Variants in THSD7B observed in about 807,000 individuals in gnomAD.
The protein encoded by THSD7B is thrombospondin type 1 domain containing 7B.
In THSD7B, 138 loss-of-function variants were observed where a neutral mutation model predicts 213.6. The observed-to-expected ratio is 0.65, with a 90% CI of 0.56 to 0.74. THSD7B has a LOEUF of 0.74. THSD7B is among the 30% of genes least tolerant of loss of function. THSD7B has a pLI of 0.00. For synonymous variants in THSD7B, 742 were observed against 687.0 expected (o/e 1.08, Z -1.25); for missense variants, 1,931 against 1,991.5 (o/e 0.97, Z 0.58).
intron 3 of THSD7B, among the ~76,000 whole-genome samples, chr2:137,085,798 C>A (rs762496397): frequency 1.6e-4 from 24 of 151,912 alleles, no homozygotes; most frequent in Non-Finnish European, 2.9e-4. Flanking sequence ...AGGAAAAAAT[C>A]TCAAGTGTGG....
chr2:137,560,993 CA>C (rs1280555767), intron 15 of THSD7B, among the ~76,000 whole-genome samples: 1 of 152,120 alleles, frequency 6.6e-6, no homozygotes. Flanking sequence ...CTAGAATGAA[CA>C]GCATGAACAA....
chr2:137,441,237 A>T (rs1470048179), intron 14 of THSD7B, among the ~76,000 whole-genome samples: 1 of 152,096 alleles, frequency 6.6e-6, no homozygotes, highest in Non-Finnish European at 1.5e-5. Context: ...CTCTGATCTC[A>T]TGCTGTCTCT....
intron 2 of THSD7B, among the ~76,000 whole-genome samples, chr2:137,047,332 A>T (rs187223583): frequency 6.6e-6 from 1 of 152,218 alleles, no homozygotes. Flanking sequence ...TCTACTGGGT[A>T]TATAGGTGTT....
intron 15 of THSD7B, among the ~76,000 whole-genome samples, chr2:137,534,419 A>AAT (rs569845494): frequency 0.01 from 1,536 of 151,756 alleles, 17 homozygotes; most frequent in South Asian, 0.038. Flanking sequence ...CAGGACAGTG[A>AAT]ATATATATAT....
At chr2:136,802,495 G>T (rs907771352) in intron 1 of THSD7B, among the ~76,000 whole-genome samples, 1 of 151,464 alleles carries the variant, frequency 6.6e-6, no homozygotes, top group African/African-American at 2.4e-5. Context: ...TTCTCCCCAA[G>T]TTGGCCCTCC....
chr2:137,223,103 A>G lies in THSD7B; in HGVS notation c.1724-7941A>G, dbSNP rs531520343. Reference sequence around the variant, plus strand: ...AACCAGGTCTTCCCAGGCCTGTTTTATCATGTGGGGATAGTCCTGAAATTC... The same window carrying G: ...AACCAGGTCTTCCCAGGCCTGTTTTGTCATGTGGGGATAGTCCTGAAATTC... On this transcript the variant is annotated intron_variant, in intron 7 of 27. Transcript: ENST00000409968. Among the ~76,000 whole-genome samples, 9 of 152,258 alleles carry G rather than the reference A, an allele frequency of 5.9e-5. No homozygotes were observed. The South Asian group carries it at 1.2e-3, about 21-fold the overall frequency.
intron 5 of THSD7B, among the ~76,000 whole-genome samples, chr2:137,151,858 A>T (rs1052124012): frequency 5.3e-5 from 8 of 152,182 alleles, no homozygotes; most frequent in African/African-American, 1.9e-4. Flanking sequence ...GGTATTTTTC[A>T]GGTCCATTAT....
At chr2:137,402,836 G>A (rs1371882053) in intron 12 of THSD7B, among the ~76,000 whole-genome samples, 2 of 147,876 alleles carry the variant, frequency 1.4e-5, no homozygotes, top group Non-Finnish European at 3.0e-5. Flanking sequence ...AAAAAAAAAG[G>A]TTTGAATTTC....
chr2:136,810,721 A>G (rs957900634), intron 1 of THSD7B, among the ~76,000 whole-genome samples: 2 of 152,108 alleles, frequency 1.3e-5, no homozygotes, highest in Admixed American at 1.3e-4. Flanking sequence ...ATTAGTTTGT[A>G]TGCTCTTTTT....
intron 1 of THSD7B, among the ~76,000 whole-genome samples, chr2:136,881,754 T>C (rs1683626672): frequency 6.6e-6 from 1 of 152,164 alleles, no homozygotes; most frequent in South Asian, 2.1e-4. Flanking sequence ...CACCTCAGGC[T>C]TTTGTTTCTT....
At chr2:137,070,314 T>C (rs1249280492) in intron 3 of THSD7B, among the ~76,000 whole-genome samples, 1 of 151,960 alleles carries the variant, frequency 6.6e-6, no homozygotes, top group Non-Finnish European at 1.5e-5. Flanking sequence ...TAGTACTTCA[T>C]TGTGTGTGTG....
At chr2:136,973,824 A>G (rs1685440277) in intron 2 of THSD7B, among the ~76,000 whole-genome samples, 1 of 152,180 alleles carries the variant, frequency 6.6e-6, no homozygotes, top group Non-Finnish European at 1.5e-5. Context: ...ATAAGTCAGT[A>G]TGTGGAGTTT....
chr2:136,913,010 G>A (rs1684292648), intron 2 of THSD7B, among the ~76,000 whole-genome samples: 1 of 152,182 alleles, frequency 6.6e-6, no homozygotes, highest in African/African-American at 2.4e-5. Flanking sequence ...TCAGAAGATA[G>A]GAAAATGTAG....
intron 2 of THSD7B, among the ~76,000 whole-genome samples, chr2:136,924,408 A>C (rs1422432475): frequency 6.6e-6 from 1 of 152,098 alleles, no homozygotes; most frequent in Non-Finnish European, 1.5e-5. Context: ...ATTCTTTTGC[A>C]TGTGGATATC....
intron 2 of THSD7B, among the ~76,000 whole-genome samples, chr2:136,957,608 ATG>A (rs59892527): frequency 0.074 from 11,226 of 152,018 alleles, 662 homozygotes; most frequent in African/African-American, 0.16. Flanking sequence ...TGTGTATTGT[ATG>A]GGGATTAAAG....
At chr2:137,245,635 T>C (rs1027263272) in intron 10 of THSD7B, among the ~76,000 whole-genome samples, 12 of 152,194 alleles carry the variant, frequency 7.9e-5, no homozygotes, top group Admixed American at 6.5e-4. Context: ...TGCTAGATTT[T>C]AAGTCCATGA....
chr2:137,186,921 A>T (rs1022362234), intron 7 of THSD7B, among the ~76,000 whole-genome samples: 2 of 151,486 alleles, frequency 1.3e-5, no homozygotes, highest in African/African-American at 4.9e-5. Flanking sequence ...GAGATCTTTC[A>T]CCTCCTTGGT....
At chr2:136,818,639 T>G (rs1044849954) in intron 1 of THSD7B, among the ~76,000 whole-genome samples, 4 of 152,224 alleles carry the variant, frequency 2.6e-5, no homozygotes, top group Non-Finnish European at 4.4e-5. Context: ...GGGTTAGGAA[T>G]TGACTATAGT....
intron 1 of THSD7B, among the ~76,000 whole-genome samples, chr2:136,827,341 C>T (rs967123539): frequency 6.6e-6 from 1 of 152,164 alleles, no homozygotes; most frequent in Non-Finnish European, 1.5e-5. Flanking sequence ...AGATGAATAG[C>T]TGGTCCTGAG....
Sources: allele counts gnomAD v4.1 joint callset (sites outside exome capture counted in the v4.1 genomes callset), GRCh38; gene constraint gnomAD v4.1.1; transcripts MANE v1.5; gene names NCBI Gene and HGNC (gene_info 2026-07-23, HGNC 2026-07-21).